The following HORMAD1 variants were observed in gnomAD, a reference collection of about 807,000 sequenced individuals.
The protein encoded by HORMAD1 is HORMA domain containing 1.
Under a neutral mutation model 58.2 loss-of-function variants are expected in HORMAD1, and 33 were observed. The ratio of observed to expected loss-of-function variants is 0.57; its 90% CI spans 0.43 to 0.76. The LOEUF (loss-of-function observed/expected upper bound fraction) is 0.76. Among genes scored for constraint, HORMAD1 ranks in the 30% least tolerant of loss-of-function variants. The pLI is 0.00. For synonymous variants in HORMAD1, 137 were observed against 144.6 expected, an observed-to-expected ratio of 0.95 and a Z score of 0.38; for missense variants, 363 against 462.0, an observed-to-expected ratio of 0.79 and a Z score of 1.96.
chr1:150,715,796 T>G (rs901073271), intron 3 of HORMAD1, among the ~76,000 whole-genome samples: 1 of 152,102 alleles, frequency 6.6e-6, no homozygotes, highest in Non-Finnish European at 1.5e-5. Flanking sequence ...TGTTTTCTAT[T>G]GATTTCTTTC....
chr1:150,711,662 C>T (rs1255916933), intron 6 of HORMAD1, 91 bp from the exon 7 acceptor site: 3 of 1,066,036 alleles, frequency 2.8e-6, no homozygotes, highest in East Asian at 2.4e-5. Flanking sequence ...GTGAACTCAG[C>T]AAAACAAACA....
chr1:150,714,553 G>A lies in HORMAD1; in HGVS notation c.242+62C>T, dbSNP rs587755733. ...TGGTTAAACACCAAAGGTATCCAAG[G>A]TACAAAAAAAAGTAAAATGAGAAAA... is the stretch of plus-strand genomic sequence containing the variant. On this transcript the variant is annotated intron_variant, in intron 4 of 14. Coordinates refer to ENST00000361824, the MANE Select transcript of HORMAD1 (RefSeq NM_032132.5). 7.3e-5 allele frequency: 62 copies of A among 852,652 alleles called. No individual in the cohort carries two copies. The East Asian group carries it at 1.1e-3, about 15-fold the overall frequency. The allele number at this position is 852,652 out of a possible 1,614,324, so 52.8% of individuals were successfully genotyped here.
chr1:150,703,657 G>C (rs1198949812), intron 12 of HORMAD1, among the ~76,000 whole-genome samples: 2 of 152,142 alleles, frequency 1.3e-5, no homozygotes, highest in African/African-American at 2.4e-5. Context: ...AAGAAATTTA[G>C]TCTACTTATT....
chr1:150,717,928 AAAGCGAGACTC>A, intron 2 of HORMAD1, among the ~76,000 whole-genome samples: 1 of 152,302 alleles, frequency 6.6e-6, no homozygotes. Flanking sequence ...CCTGAGTGAC[AAAGCGAGACTC>A]CATCTCAAAA....
At chr1:150,712,368 C>G (rs1033787699) in intron 5 of HORMAD1, among the ~76,000 whole-genome samples, 1 of 152,060 alleles carries the variant, frequency 6.6e-6, no homozygotes, top group African/African-American at 2.4e-5. Flanking sequence ...CACAACCAGT[C>G]CATCAACAAA....
Position 150,698,618 on chromosome 1 carries a change from G to A in HORMAD1, c.*36C>T, listed in dbSNP as rs777533629. The A allele has an allele frequency of 2.7e-6, 3 of 1,098,198 alleles. No homozygotes were observed. Among genetic ancestry groups the A allele is most frequent in the South Asian group, 2.6e-5 (2 of 76,546 alleles). 68.0% of individuals were successfully genotyped at this position (1,098,198 alleles called of 1,614,324 possible). A position where few individuals can be genotyped will look rare whatever the true frequency, so the allele number is the denominator to read the frequency against. ...TAGGGTCCTTCAGTTTAAATGGTGA[G>A]AAGAACTCTGCAAGCCTGCAGAACA... On this transcript the variant is annotated 3_prime_UTR_variant, in exon 15 of 15. Coordinates refer to ENST00000361824, the MANE Select transcript of HORMAD1 (RefSeq NM_032132.5).
chr1:150,706,863 T>C (rs916038809), intron 9 of HORMAD1, 54 bp from the exon 10 acceptor site: 1 of 1,429,844 alleles, frequency 7.0e-7, no homozygotes, highest in Middle Eastern at 1.8e-4. Flanking sequence ...GAAAATATAA[T>C]TATTATTATA....
rs1351561005 is a variant in HORMAD1, at chr1:150,708,332, A to C, written c.471T>G (p.Ile157Met). The change falls in exon 9 of 15, where the codon ATT becomes ATG. Residue 157 changes from isoleucine to methionine, a missense_variant. Coordinates refer to ENST00000361824, the MANE Select transcript of HORMAD1 (RefSeq NM_032132.5). ...GCCCCAGATTTTGCATTAGGATATA[A>C]ATCTTGCGAATGAGGAGAATGCTTG... ...KKASILLIRK[I>M]YILMQNLGPL... 6 of 1,611,482 alleles carry C rather than the reference A, an allele frequency of 3.7e-6. No individual in the cohort carries two copies. Among genetic ancestry groups the C allele is most frequent in the Non-Finnish European group, 5.1e-6 (6 of 1,178,514 alleles).
chr1:150,708,964 T>G lies in HORMAD1; in HGVS notation c.328-3A>C. 7.2e-7 allele frequency: 1 copy of G among 1,397,414 alleles called. No individual in the cohort carries two copies. Among genetic ancestry groups the G allele is most frequent in the Non-Finnish European group, 1.0e-6 (1 of 983,028 alleles). The allele number at this position is 1,397,414 out of a possible 1,614,324, so 86.6% of individuals were successfully genotyped here. The stretch of plus-strand genomic sequence containing the variant: ...AATTGGTAACATTCTGAAATTGTCT[T>G]AAATAGAAAATATCGCAGTTATGCT... On this transcript the variant is annotated splice_polypyrimidine_tract_variant and splice_region_variant and intron_variant, in intron 7 of 14. Transcript: ENST00000361824.
chr1:150,708,179 T>C, intron 9 of HORMAD1, 77 bp downstream of exon 9: 3 of 1,167,422 alleles, frequency 2.6e-6, no homozygotes, highest in Non-Finnish European at 3.5e-6. Flanking sequence ...GCTAAAAATA[T>C]TTGGAATGGA....
chr1:150,719,972 G>A (rs1652197049), intron 1 of HORMAD1, among the ~76,000 whole-genome samples: 1 of 152,046 alleles, frequency 6.6e-6, no homozygotes, highest in Non-Finnish European at 1.5e-5. Context: ...GGAGTGCAGT[G>A]GCGCGATCTC....
At position 150,720,618 on chromosome 1, in the gene HORMAD1, G is replaced by T. The variant is rs1571081538; in HGVS notation, c.-34+186C>A. On this transcript the variant is annotated intron_variant, in intron 1 of 14. Coordinates refer to ENST00000361824, the MANE Select transcript of HORMAD1 (RefSeq NM_032132.5). The stretch of plus-strand genomic sequence containing the variant: ...ATTTATCCTGACAAATCCTGAATTC[G>T]CCGTCCGTACTCACCCCATCTCAAG... Among the ~76,000 whole-genome samples the T allele has an allele frequency of 2.6e-5, 4 of 152,244 alleles. No individual in the cohort carries two copies. In the South Asian group the frequency reaches 8.3e-4, roughly 32 times the overall value.
rs752800084 is a variant in HORMAD1 at position 150,716,150 on chromosome 1, C to CTTTT, written c.178+984_178+987dup. Among the ~76,000 whole-genome samples the CTTTT allele has an allele frequency of 8.1e-4, 56 of 68,780 alleles. 3 individuals are homozygous for CTTTT. The highest frequency in any genetic ancestry group is 1.5e-3 in the African/African-American group (22 of 14,894). The allele number at this position is 68,780 out of a possible 152,430, so 45.1% of individuals were successfully genotyped here. A position where few individuals can be genotyped will look rare whatever the true frequency, so the allele number is the denominator to read the frequency against. On this transcript the variant is annotated intron_variant, in intron 3 of 14. Coordinates refer to ENST00000361824, the MANE Select transcript of HORMAD1 (RefSeq NM_032132.5). The stretch of plus-strand genomic sequence containing the variant: ...AGTGAAAGCCAGTCACAAAGGACCA[C>CTTTT]TTTTTTTTTTTTTTTTTTTTTTTTT...
At chr1:150,711,714 G>T in intron 6 of HORMAD1, 119 bp downstream of exon 6, 2 of 933,930 alleles carry the variant, frequency 2.1e-6, no homozygotes, top group Non-Finnish European at 1.7e-6. Flanking sequence ...TCATTCCATT[G>T]AATAGATCAG....
intron 2 of HORMAD1, among the ~76,000 whole-genome samples, chr1:150,718,752 A>G (rs1652165349): frequency 6.6e-6 from 1 of 151,926 alleles, no homozygotes; most frequent in Admixed American, 6.5e-5. Flanking sequence ...AGCCACCTTC[A>G]TAGCTGAGAC....
At chr1:150,698,761 A>G in intron 14 of HORMAD1, 27 bp from the exon 15 acceptor site, 5 of 1,271,284 alleles carry the variant, frequency 3.9e-6, no homozygotes, top group Non-Finnish European at 5.6e-6. Context: ...ACTACTAAGA[A>G]TAGATACTTT....
chr1:150,703,973 C>T, intron 12 of HORMAD1, 145 bp downstream of exon 12: 1 of 573,890 alleles, frequency 1.7e-6, no homozygotes, highest in Non-Finnish European at 3.0e-6. Flanking sequence ...ATATAATTTC[C>T]AGATTTAGTT....
chr1:150,712,554 ACAATTATTTTTTAAGACAGAGTAT>A (rs1226493327), intron 5 of HORMAD1, among the ~76,000 whole-genome samples: 1 of 152,104 alleles, frequency 6.6e-6, no homozygotes, highest in East Asian at 1.9e-4. Context: ...GTGATTTAAA[ACAATTATTTTTTAAGACAGAGTAT>A]CACTCTGTCA....
At chr1:150,718,268 T>G (rs905952736) in intron 2 of HORMAD1, among the ~76,000 whole-genome samples, 2 of 151,968 alleles carry the variant, frequency 1.3e-5, no homozygotes, top group African/African-American at 4.8e-5. Flanking sequence ...ATTTGCCTAT[T>G]CTAGACATTT....
Sources: allele counts gnomAD v4.1 joint callset (sites outside exome capture counted in the v4.1 genomes callset), GRCh38; gene constraint gnomAD v4.1.1; transcripts MANE v1.5; gene names NCBI Gene and HGNC (gene_info 2026-07-23, HGNC 2026-07-21).